The following TMEFF1 variants were observed in gnomAD, a reference collection of about 807,000 sequenced individuals.
TMEFF1 encodes transmembrane protein with EGF like and two follistatin like domains 1.
In TMEFF1, 20 loss-of-function variants were observed where a neutral mutation model predicts 47.5. That is an observed-to-expected ratio of 0.42 (90% CI 0.30 to 0.61). The LOEUF is 0.61. Among genes scored for constraint, TMEFF1 ranks in the 20% least tolerant of loss-of-function variants. The pLI is 0.19. For synonymous variants in TMEFF1, 162 were observed against 166.3 expected, an observed-to-expected ratio of 0.97 and a Z score of 0.20; for missense variants, 411 against 471.1, an observed-to-expected ratio of 0.87 and a Z score of 1.18.
intron 7 of TMEFF1, among the ~76,000 whole-genome samples, chr9:100,552,862 GGA>G (rs1564026012): frequency 6.9e-6 from 1 of 145,304 alleles, no homozygotes. Context: ...ACACTGTTTT[GGA>G]AAAAAAAAAA....
chr9:100,526,743 T>C lies in TMEFF1; in HGVS notation c.560+9972T>C, dbSNP rs371588565. 3.3e-5 allele frequency among the ~76,000 whole-genome samples: 5 copies of C among 152,056 alleles called. No homozygotes were observed. The East Asian group carries it at 9.7e-4, about 29-fold the overall frequency. ...GTTATAATTGTTCTTTTGTTTAGTT[T>C]TTAATGTTATGTGGCCTTTTAAAAT... On this transcript the variant is annotated intron_variant, in intron 5 of 9. Transcript: ENST00000374879.
At chr9:100,535,131 A>C (rs560927603) in intron 5 of TMEFF1, among the ~76,000 whole-genome samples, 1 of 152,266 alleles carries the variant, frequency 6.6e-6, no homozygotes. Flanking sequence ...CCATCCATCT[A>C]TATATATATT....
At position 100,473,539 on chromosome 9, in the gene TMEFF1, C is replaced by T. The variant is rs762462552; in HGVS notation, c.-6C>T. ...CTGCGCTTCCCGCCGTCCAGGGGCA[C>T]CAGTCATGGGCGCCGCAGCCGCTGA... is the stretch of plus-strand genomic sequence containing the variant. On this transcript the variant is annotated 5_prime_UTR_variant, in exon 1 of 10. Transcript: ENST00000374879. This position sits in a 1 kb window ranked among gnomAD's most constrained non-coding sequence, Gnocchi z 5.4. 1.1e-5 allele frequency: 17 copies of T among 1,485,770 alleles called. No individual in the cohort carries two copies. Among genetic ancestry groups the T allele is most frequent in the Non-Finnish European group, 1.5e-5 (17 of 1,119,694 alleles). 92.0% of individuals were successfully genotyped at this position (1,485,770 alleles called of 1,614,324 possible).
chr9:100,561,373 C>T (rs747435544), intron 7 of TMEFF1, 24 bp from the exon 8 acceptor site: 20 of 1,597,156 alleles, frequency 1.3e-5, no homozygotes, highest in Middle Eastern at 3.3e-4. Context: ...CATTGTTGAA[C>T]GATCTGGTTT....
chr9:100,553,658 G>A (rs920858998), intron 7 of TMEFF1, among the ~76,000 whole-genome samples: 2 of 152,186 alleles, frequency 1.3e-5, no homozygotes, highest in Non-Finnish European at 2.9e-5. Context: ...AGTCATAAAG[G>A]ATATGATTGA....
At chr9:100,512,596 T>G (rs1237512655) in intron 3 of TMEFF1, among the ~76,000 whole-genome samples, 2 of 152,194 alleles carry the variant, frequency 1.3e-5, no homozygotes, top group East Asian at 1.9e-4. Context: ...CTTTTCAACA[T>G]GTTCTGTGCT....
At chr9:100,517,273 C>A (rs567546011) in intron 5 of TMEFF1, among the ~76,000 whole-genome samples, 1 of 152,274 alleles carries the variant, frequency 6.6e-6, no homozygotes, top group South Asian at 2.1e-4. Context: ...GTGGTGCTGG[C>A]TTTTTGCATA....
intron 4 of TMEFF1, among the ~76,000 whole-genome samples, chr9:100,513,949 T>C (rs995901838): frequency 7.2e-5 from 11 of 152,234 alleles, no homozygotes; most frequent in Non-Finnish European, 1.3e-4. Context: ...AATATATGAA[T>C]TATTTCTGTT....
At chr9:100,520,373 A>G (rs914523121) in intron 5 of TMEFF1, among the ~76,000 whole-genome samples, 2 of 152,214 alleles carry the variant, frequency 1.3e-5, no homozygotes, top group Non-Finnish European at 2.9e-5. Context: ...TCAATTTGAA[A>G]TGTCTTTCCT....
chr9:100,574,971 A>G (rs936559387), intron 9 of TMEFF1, among the ~76,000 whole-genome samples: 3 of 152,162 alleles, frequency 2.0e-5, no homozygotes, highest in African/African-American at 4.8e-5. Context: ...ATTTCTAACT[A>G]TGTCACAGTG....
At chr9:100,483,788 GT>G (rs60258093) in intron 1 of TMEFF1, among the ~76,000 whole-genome samples, 4 of 148,612 alleles carry the variant, frequency 2.7e-5, no homozygotes, top group Non-Finnish European at 1.5e-5. Context: ...CTGTCTGTCT[GT>G]TTTTTTTTTC....
intron 8 of TMEFF1, among the ~76,000 whole-genome samples, chr9:100,563,683 A>G (rs1765662069): frequency 6.6e-6 from 1 of 152,202 alleles, no homozygotes; most frequent in African/African-American, 2.4e-5. Flanking sequence ...CTTAATGAAT[A>G]GCAATTGATA....
intron 5 of TMEFF1, among the ~76,000 whole-genome samples, chr9:100,517,331 A>G (rs900870015): frequency 6.6e-6 from 1 of 152,202 alleles, no homozygotes; most frequent in African/African-American, 2.4e-5. Context: ...GGGAGCATAA[A>G]TGGATCTTCT....
intron 6 of TMEFF1, among the ~76,000 whole-genome samples, chr9:100,549,697 G>T (rs1350090113): frequency 6.6e-6 from 1 of 152,172 alleles, no homozygotes; most frequent in Admixed American, 6.5e-5. Context: ...ACACAGCAGA[G>T]ATTCCCCATT....
At chr9:100,558,849 T>C (rs1401955153) in intron 7 of TMEFF1, among the ~76,000 whole-genome samples, 2 of 152,108 alleles carry the variant, frequency 1.3e-5, no homozygotes, top group Non-Finnish European at 2.9e-5. Context: ...TGTACACACT[T>C]ACATACTTAA....
intron 1 of TMEFF1, among the ~76,000 whole-genome samples, chr9:100,477,335 G>C (rs955530787): frequency 6.6e-6 from 1 of 152,138 alleles, no homozygotes; most frequent in Non-Finnish European, 1.5e-5. Context: ...TCGAGCTTCT[G>C]CTGTTCAACA....
At chr9:100,487,013 C>T (rs1196956257) in intron 1 of TMEFF1, among the ~76,000 whole-genome samples, 1 of 152,102 alleles carries the variant, frequency 6.6e-6, no homozygotes, top group African/African-American at 2.4e-5. Flanking sequence ...GCTGATGTTG[C>T]TGTATCAATT....
At chr9:100,576,179 C>T (rs1252275369) in intron 9 of TMEFF1, among the ~76,000 whole-genome samples, 1 of 152,120 alleles carries the variant, frequency 6.6e-6, no homozygotes, top group East Asian at 1.9e-4. Context: ...TGTTATCAGT[C>T]ACTGTGACTA....
At chr9:100,485,839 G>A (rs1837437118) in intron 1 of TMEFF1, among the ~76,000 whole-genome samples, 1 of 151,892 alleles carries the variant, frequency 6.6e-6, no homozygotes, top group Non-Finnish European at 1.5e-5. Flanking sequence ...AGTTTATTAG[G>A]TAACTTAATT....
Sources: gnomAD v4.1 joint callset for allele counts (sites outside exome capture counted in the v4.1 genomes callset) on GRCh38, gnomAD v4.1.1 for gene constraint, Gnocchi (gnomAD v3.1) non-coding constraint, MANE v1.5 for transcripts, NCBI Gene and HGNC (gene_info 2026-07-23, HGNC 2026-07-21) for gene names.